The following ANK3 variants were observed in gnomAD, a reference collection of about 807,000 sequenced individuals.
ANK3 encodes the protein ankyrin-3.
In ANK3, 57 loss-of-function variants were observed where a neutral mutation model predicts 370.9. The observed-to-expected ratio is 0.15, with a 90% CI of 0.12 to 0.19. The LOEUF (loss-of-function observed/expected upper bound fraction) is 0.19, where lower values mean the gene tolerates loss of function less well. ANK3 is among the 10% of genes least tolerant of loss of function. ANK3 has a pLI of 1.00. For synonymous variants in ANK3, 1,929 were observed against 1,946.3 expected (o/e 0.99, Z 0.23); for missense variants, 4,439 against 5,302.1 (o/e 0.84, Z 5.06).
At chr10:60,604,736 C>T (rs749538040) in intron 2 of ANK3, among the ~76,000 whole-genome samples, 7 of 152,124 alleles carry the variant, frequency 4.6e-5, no homozygotes, top group Non-Finnish European at 1.0e-4. Flanking sequence ...GGAATTTCTC[C>T]AATGCCCATC....
In ANK3 at chr10:60,073,918, T is replaced by C. The variant is rs926810502; in HGVS notation, c.6963A>G (p.Gln2321=). Residue 2321 remains glutamine (Q), a synonymous_variant, in exon 37 of 44, where the codon CAA becomes CAG. Coordinates refer to ENST00000280772, the MANE Select transcript of ANK3 (RefSeq NM_020987.5). ...TSAQHAEKDN[Q]MKPKLERIIE... The stretch of plus-strand genomic sequence containing the variant: ...TTATACGCTCCAGTTTGGGTTTCAT[T>C]TGGTTGTCCTTCTCTGCATGCTGGG... 3.7e-6 allele frequency: 6 copies of C among 1,614,052 alleles called. No homozygotes were observed. Among genetic ancestry groups the C allele is most frequent in the Non-Finnish European group, 5.1e-6 (6 of 1,180,002 alleles).
intron 1 of ANK3, among the ~76,000 whole-genome samples, chr10:60,365,932 T>C (rs1181336801): frequency 6.6e-6 from 1 of 152,194 alleles, no homozygotes; most frequent in Non-Finnish European, 1.5e-5. Flanking sequence ...TGACAATAAA[T>C]TACCATATAC....
intron 2 of ANK3, among the ~76,000 whole-genome samples, chr10:60,415,916 G>GCCCC (rs202007204): frequency 1.2e-3 from 97 of 81,212 alleles, no homozygotes; most frequent in Middle Eastern, 8.2e-3. Context: ...CTGAATTTGT[G>GCCCC]CCCCCCACCC....
chr10:60,484,808 A>G (rs2075308324), intron 2 of ANK3, among the ~76,000 whole-genome samples: 1 of 152,184 alleles, frequency 6.6e-6, no homozygotes, highest in Non-Finnish European at 1.5e-5. Flanking sequence ...TTCAAAAATT[A>G]TGATATGGTT....
chr10:60,469,539 ATGGTGGTG>A lies in ANK3; in HGVS notation c.96+145639_96+145646del, dbSNP rs1283555161. Among the ~76,000 whole-genome samples the A allele has an allele frequency of 2.8e-3, 52 of 18,434 alleles. 22 individuals are homozygous for A. Among genetic ancestry groups the A allele is most frequent in the African/African-American group, 5.4e-3 (26 of 4,812 alleles). 12.1% of individuals were successfully genotyped at this position (18,434 alleles called of 152,430 possible). A position where few individuals can be genotyped will look rare whatever the true frequency, so the allele number is the denominator to read the frequency against. ...TATATATGGTGGTATATATATATAT[ATGGTGGTG>A]TATATATATATATATATATATATGG... is the stretch of plus-strand genomic sequence containing the variant. On this transcript the variant is annotated intron_variant, in intron 2 of 43. Transcript: ENST00000373827.
chr10:60,262,867 T>C (rs2097827216), intron 6 of ANK3, among the ~76,000 whole-genome samples: 3 of 152,190 alleles, frequency 2.0e-5, no homozygotes, highest in South Asian at 2.1e-4. Flanking sequence ...CACAGCTCTA[T>C]TGCAATACCC....
intron 23 of ANK3, among the ~76,000 whole-genome samples, chr10:60,165,170 A>T (rs1266745284): frequency 2.6e-5 from 4 of 152,212 alleles, no homozygotes; most frequent in Non-Finnish European, 5.9e-5. Context: ...TCATACCATG[A>T]TTCCTAATAA....
intron 1 of ANK3, among the ~76,000 whole-genome samples, chr10:60,317,375 T>C (rs1036720118): frequency 3.3e-5 from 5 of 150,842 alleles, no homozygotes; most frequent in African/African-American, 1.2e-4. Context: ...TCCCTGGCTT[T>C]GGCTTCCTAA....
intron 1 of ANK3, among the ~76,000 whole-genome samples, chr10:60,310,704 T>C (rs1357861553): frequency 6.6e-6 from 1 of 152,170 alleles, no homozygotes; most frequent in African/African-American, 2.4e-5. Context: ...CACAAGTAAC[T>C]CCCAATGTCT....
chr10:60,597,644 C>G (rs1264688745), intron 2 of ANK3, among the ~76,000 whole-genome samples: 1 of 152,136 alleles, frequency 6.6e-6, no homozygotes, highest in Non-Finnish European at 1.5e-5. Context: ...AGAATCAGCT[C>G]AAATCCTAGA....
chr10:60,228,728 T>C (rs1273242447), intron 8 of ANK3, among the ~76,000 whole-genome samples: 1 of 152,132 alleles, frequency 6.6e-6, no homozygotes, highest in Non-Finnish European at 1.5e-5. Flanking sequence ...ATTTTGTGTC[T>C]AACTGATGTA....
At chr10:60,522,624 G>A (rs565772930) in intron 2 of ANK3, among the ~76,000 whole-genome samples, 51 of 152,092 alleles carry the variant, frequency 3.4e-4, no homozygotes, top group Middle Eastern at 6.8e-3. Flanking sequence ...AAGTTGCTAC[G>A]TACTTGTCTA....
intron 14 of ANK3, among the ~76,000 whole-genome samples, chr10:60,197,782 AT>A (rs1329125932): frequency 6.6e-6 from 1 of 152,232 alleles, no homozygotes; most frequent in Non-Finnish European, 1.5e-5. Context: ...CACAAAAAAA[AT>A]GAGCTCCAAA....
At chr10:60,214,030 C>A (rs1358115494) in intron 8 of ANK3, among the ~76,000 whole-genome samples, 1 of 152,046 alleles carries the variant, frequency 6.6e-6, no homozygotes, top group Non-Finnish European at 1.5e-5. Flanking sequence ...ATACATTCCT[C>A]TAAGTGTAAA....
chr10:60,689,334 G>GGCTGCAGTGAGCTGTGGCCATGCC (rs1280542389), intron 1 of ANK3, among the ~76,000 whole-genome samples: 3 of 152,192 alleles, frequency 2.0e-5, no homozygotes, highest in African/African-American at 7.2e-5. Context: ...GGAAGGTCGA[G>GGCTGCAGTGAGCTGTGGCCATGCC]GCTGCAGTGA....
chr10:60,124,918 G>C (rs1234997241), intron 25 of ANK3, among the ~76,000 whole-genome samples: 6 of 152,180 alleles, frequency 3.9e-5, no homozygotes, highest in Non-Finnish European at 8.8e-5. Flanking sequence ...CACGAAATGA[G>C]ATGATGCATT....
At chr10:60,534,341 T>C (rs1169620450) in intron 2 of ANK3, among the ~76,000 whole-genome samples, 1 of 152,090 alleles carries the variant, frequency 6.6e-6, no homozygotes, top group African/African-American at 2.4e-5. Context: ...CCAAACGCAT[T>C]CATGTCTCAG....
chr10:60,433,389 A>T (rs1275305805), intron 2 of ANK3, among the ~76,000 whole-genome samples: 1 of 152,164 alleles, frequency 6.6e-6, no homozygotes, highest in Non-Finnish European at 1.5e-5. Flanking sequence ...ATTGAGTTTG[A>T]GACCAGCCTG....
At chr10:60,164,710 C>A (rs2095579966) in intron 23 of ANK3, among the ~76,000 whole-genome samples, 1 of 152,096 alleles carries the variant, frequency 6.6e-6, no homozygotes, top group Non-Finnish European at 1.5e-5. Context: ...ATGGACTATG[C>A]AGCTTAGGAA....
Sources: allele counts gnomAD v4.1 joint callset (sites outside exome capture counted in the v4.1 genomes callset), GRCh38; gene constraint gnomAD v4.1.1; transcripts MANE v1.5; gene names NCBI Gene and HGNC (gene_info 2026-07-23, HGNC 2026-07-21).